SCFD2: variants seen among roughly 807,000 people sequenced by gnomAD.
SCFD2 encodes the protein sec1 family domain-containing protein 2.
SCFD2 carries 54 observed loss-of-function variants against 58.9 expected under a neutral mutation model. The ratio of observed to expected loss-of-function variants is 0.92; its 90% CI spans 0.74 to 1.15. SCFD2 has a LOEUF of 1.15. SCFD2 is among the 50% of genes most tolerant of loss of function. The probability of loss-of-function intolerance (pLI) is 0.00; values close to 1 mark genes in which losing one functional copy is unlikely to be tolerated. For synonymous variants in SCFD2, 321 were observed against 335.9 expected (o/e 0.96, Z 0.49); for missense variants, 805 against 836.6 (o/e 0.96, Z 0.47).
chr4:52,932,488 G>C (rs569295717), intron 5 of SCFD2, among the ~76,000 whole-genome samples: 27 of 152,250 alleles, frequency 1.8e-4, no homozygotes, highest in African/African-American at 6.5e-4. Flanking sequence ...TTGAGGTCCA[G>C]ACTCACTGAC....
rs1256301067 is a variant in SCFD2, at chr4:52,891,465, C to T, written c.1843-5599G>A. 2.0e-5 allele frequency among the ~76,000 whole-genome samples: 3 copies of T among 152,146 alleles called. No individual in the cohort carries two copies. The East Asian group carries it at 5.8e-4, about 29-fold the overall frequency. ...AGAATCTATGAAGCAGGCAGAAGCC[C>T]CATTTCACACAGAGACACAGAGGCT... On this transcript the variant is annotated intron_variant, in intron 7 of 8. Transcript: ENST00000401642.
chr4:53,352,486 T>A, intron 2 of SCFD2, 112 bp downstream of exon 2: 1 of 864,548 alleles, frequency 1.2e-6, no homozygotes, highest in Non-Finnish European at 1.7e-6. Context: ...CACTGTGAAA[T>A]TTTCAACCAG....
chr4:53,335,769 A>G (rs762695519), intron 2 of SCFD2, among the ~76,000 whole-genome samples: 2 of 152,212 alleles, frequency 1.3e-5, no homozygotes, highest in Non-Finnish European at 2.9e-5. Context: ...CAGCTAAAAT[A>G]TAAAAGTTGA....
intron 3 of SCFD2, among the ~76,000 whole-genome samples, chr4:53,280,604 C>T (rs1220462657): frequency 6.6e-6 from 1 of 151,880 alleles, no homozygotes; most frequent in Non-Finnish European, 1.5e-5. Context: ...AAGAAACAGT[C>T]ATATCGTCAT....
intron 5 of SCFD2, among the ~76,000 whole-genome samples, chr4:53,008,959 C>G (rs745487364): frequency 1.5e-4 from 23 of 152,146 alleles, no homozygotes; most frequent in Non-Finnish European, 2.4e-4. Context: ...GTGATCCTGA[C>G]AGAACAATCT....
chr4:52,950,067 C>T (rs1001419205), intron 5 of SCFD2: 2 of 152,228 alleles, frequency 1.3e-5, no homozygotes, highest in African/African-American at 2.4e-5. Flanking sequence ...ATGAGACAAG[C>T]TGTAGATGCC....
chr4:53,181,540 G>A (rs1727555590), intron 4 of SCFD2, among the ~76,000 whole-genome samples: 1 of 152,138 alleles, frequency 6.6e-6, no homozygotes, highest in Non-Finnish European at 1.5e-5. Flanking sequence ...CAAACCCACA[G>A]CCAATATCAT....
intron 4 of SCFD2, among the ~76,000 whole-genome samples, chr4:53,266,242 C>T (rs1730980363): frequency 6.6e-6 from 1 of 151,990 alleles, no homozygotes. Context: ...AACCAAAATC[C>T]AGGTGAGAAT....
chr4:53,172,153 C>T (rs1343371560), intron 4 of SCFD2, among the ~76,000 whole-genome samples: 22 of 151,886 alleles, frequency 1.4e-4, no homozygotes, highest in East Asian at 3.9e-4. Context: ...ACTACAGGCA[C>T]GCACCACCAC....
Position 53,343,101 on chromosome 4 carries a change from C to T in SCFD2, c.1007+9497G>A, listed in dbSNP as rs192954749. ...AAAGCTAGAAGAAGGCAAGAAATAA[C>T]GAAGATCAGAGCAGAACTGAAGGAG... On this transcript the variant is annotated intron_variant, in intron 2 of 8. Coordinates refer to ENST00000401642, the MANE Select transcript of SCFD2 (RefSeq NM_152540.4). Among the ~76,000 whole-genome samples, 13 of 152,078 alleles carry T rather than the reference C, an allele frequency of 8.5e-5. No individual in the cohort carries two copies. The East Asian group carries it at 1.9e-3, about 23-fold the overall frequency.
At chr4:52,877,077 AG>A (rs1718491578) in intron 8 of SCFD2, among the ~76,000 whole-genome samples, 1 of 152,124 alleles carries the variant, frequency 6.6e-6, no homozygotes, top group Non-Finnish European at 1.5e-5. Context: ...TGGAGTGAAA[AG>A]GCTAAAAGTG....
intron 4 of SCFD2, among the ~76,000 whole-genome samples, chr4:53,244,785 A>T (rs948481864): frequency 6.6e-6 from 1 of 151,278 alleles, no homozygotes; most frequent in African/African-American, 2.4e-5. Flanking sequence ...AAAACCATTC[A>T]AAAGATCAAC....
At chr4:53,229,008 C>T (rs1325391708) in intron 4 of SCFD2, among the ~76,000 whole-genome samples, 1 of 152,136 alleles carries the variant, frequency 6.6e-6, no homozygotes, top group Non-Finnish European at 1.5e-5. Flanking sequence ...CATGAGTGAA[C>T]TCCCATTCAC....
chr4:53,229,709 G>C (rs1163014883), intron 4 of SCFD2, among the ~76,000 whole-genome samples: 2 of 152,194 alleles, frequency 1.3e-5, no homozygotes, highest in Non-Finnish European at 2.9e-5. Flanking sequence ...ACATAGGCAT[G>C]GGCAAGGACT....
rs1197549801 is a variant in SCFD2 at position 52,967,959 on chromosome 4, T to G, written c.1562-47089A>C. 1.1e-4 allele frequency among the ~76,000 whole-genome samples: 17 copies of G among 152,220 alleles called. No individual in the cohort carries two copies. The East Asian group carries it at 3.3e-3, about 29-fold the overall frequency. The stretch of plus-strand genomic sequence containing the variant: ...TCAGTTATTAATATTTTTGTTAAAT[T>G]TAATTCTACAACTACAAGGAAGATG... On this transcript the variant is annotated intron_variant, in intron 5 of 8. Transcript: ENST00000401642.
chr4:53,218,713 G>A lies in SCFD2; in HGVS notation c.1311+55113C>T, dbSNP rs1484281890. Among the ~76,000 whole-genome samples, 9 of 152,146 alleles carry A rather than the reference G, an allele frequency of 5.9e-5. 1 individual carries two copies. On this transcript the variant is annotated intron_variant, in intron 4 of 8. Coordinates refer to ENST00000401642, the MANE Select transcript of SCFD2 (RefSeq NM_152540.4). ...GCTGCATTCCTTTGGAGGGGGAGAG[G>A]CGCTCTGATTTTTAGATTTTTCAGC...
chr4:53,126,792 G>A (rs1217068181), intron 5 of SCFD2, among the ~76,000 whole-genome samples: 2 of 152,056 alleles, frequency 1.3e-5, no homozygotes, highest in Admixed American at 6.5e-5. Context: ...CCACCGTCTC[G>A]GCAGAGAGCT....
chr4:53,281,756 C>T (rs1247355930), intron 3 of SCFD2, among the ~76,000 whole-genome samples: 2 of 152,188 alleles, frequency 1.3e-5, no homozygotes, highest in African/African-American at 4.8e-5. Flanking sequence ...CTGGAACTTG[C>T]ATTATATATT....
At chr4:53,106,631 A>G (rs1021120447) in intron 5 of SCFD2, among the ~76,000 whole-genome samples, 1 of 152,230 alleles carries the variant, frequency 6.6e-6, no homozygotes, top group African/African-American at 2.4e-5. Context: ...TTGAAGATCA[A>G]CTTAATGAAA....
Sources: allele counts gnomAD v4.1 joint callset (sites outside exome capture counted in the v4.1 genomes callset), GRCh38; gene constraint gnomAD v4.1.1; transcripts MANE v1.5; gene names NCBI Gene and HGNC (gene_info 2026-07-23, HGNC 2026-07-21).